Variants in ACP3 observed in about 807,000 individuals in gnomAD.
The protein encoded by ACP3 is acid phosphatase 3.
In ACP3, 38 loss-of-function variants were observed where a neutral mutation model predicts 45.6. The observed-to-expected ratio is 0.83, with a 90% CI of 0.64 to 1.09. The LOEUF (loss-of-function observed/expected upper bound fraction) is 1.09. ACP3 is among the 50% of genes least tolerant of loss of function. ACP3 has a pLI of 0.00. For missense variants in ACP3, 466 were observed against 463.2 expected, an observed-to-expected ratio of 1.01 and a Z score of -0.05; for synonymous variants, 162 against 164.7, an observed-to-expected ratio of 0.98 and a Z score of 0.13.
chr3:132,352,218 C>T (rs1441173672), intron 8 of ACP3, among the ~76,000 whole-genome samples: 1 of 151,864 alleles, frequency 6.6e-6, no homozygotes, highest in Non-Finnish European at 1.5e-5. Context: ...TTTATTTTAT[C>T]GAGATGGAGT....
intron 5 of ACP3, among the ~76,000 whole-genome samples, chr3:132,340,329 A>G (rs1937539233): frequency 6.6e-6 from 1 of 151,866 alleles, no homozygotes; most frequent in Non-Finnish European, 1.5e-5. Context: ...AAAAAAAAAA[A>G]AAGACCAAAT....
At chr3:132,355,178 C>T (rs1441433472) in intron 9 of ACP3, among the ~76,000 whole-genome samples, 1 of 152,186 alleles carries the variant, frequency 6.6e-6, no homozygotes, top group Non-Finnish European at 1.5e-5. Context: ...GGCAGCAACC[C>T]GCTTATCAAC....
rs1271328476 is a variant in ACP3, at chr3:132,331,705, T to G, written c.275T>G (p.Phe92Cys). 2 of 1,608,932 alleles carry G rather than the reference T, an allele frequency of 1.2e-6. No individual in the cohort carries two copies. The highest frequency in any genetic ancestry group is 2.3e-5 in the South Asian group (2 of 88,850). The change falls in exon 3 of 10, where the codon TTC becomes TGC. Residue 92 changes from phenylalanine to cysteine, a missense_variant. By Grantham distance (205) the Phe-to-Cys change is radical (BLOSUM62 -2). Transcript: ENST00000336375. ...GEYIRKRYRK[F>C]LNESYKHEQV... ...TATATAAGAAAGAGATATAGAAAAT[T>G]CTTGAATGAGTCCTATAAACATGAA...
chr3:132,361,179 ATGATATCCCTTGTTCAG>A (rs1463070699), downstream of ACP3, among the ~76,000 whole-genome samples: 1 of 152,298 alleles, frequency 6.6e-6, no homozygotes, highest in South Asian at 2.1e-4. Flanking sequence ...CCCTTGTTCA[ATGATATCCCTTGTTCAG>A]TGATATCCCT....
At chr3:132,352,615 T>A (rs1937776032) in intron 8 of ACP3, 105 bp from the exon 9 acceptor site, 2 of 773,618 alleles carry the variant, frequency 2.6e-6, no homozygotes, top group Non-Finnish European at 4.4e-6. Flanking sequence ...TGTGGGCGTA[T>A]GGGAAATTTA....
At chr3:132,333,184 A>C (rs1429582818) in intron 4 of ACP3, among the ~76,000 whole-genome samples, 2 of 152,154 alleles carry the variant, frequency 1.3e-5, no homozygotes, top group Non-Finnish European at 2.9e-5. Context: ...AAGTTTGAGA[A>C]CCAGTACTAT....
intron 3 of ACP3, 84 bp from the exon 4 acceptor site, chr3:132,332,108 C>G (rs918213279): frequency 1.3e-6 from 2 of 1,490,090 alleles, no homozygotes; most frequent in African/African-American, 1.4e-5. Flanking sequence ...GTGTCCTTTC[C>G]TTTCTCTAAT....
chr3:132,337,966 A>C (rs1212778256), intron 5 of ACP3, among the ~76,000 whole-genome samples: 2 of 152,224 alleles, frequency 1.3e-5, no homozygotes, highest in Non-Finnish European at 2.9e-5. Flanking sequence ...ACAATACAAA[A>C]GGTAGATATA....
chr3:132,341,149 G>T (rs1481334161), intron 5 of ACP3, among the ~76,000 whole-genome samples: 1 of 152,002 alleles, frequency 6.6e-6, no homozygotes, highest in East Asian at 1.9e-4. Context: ...TTGCCTATTT[G>T]CACTGGCCAC....
At chr3:132,342,093 C>T (rs986779957) in intron 5 of ACP3, among the ~76,000 whole-genome samples, 20 of 152,284 alleles carry the variant, frequency 1.3e-4, no homozygotes, top group African/African-American at 4.8e-4. Flanking sequence ...GACATATTTA[C>T]ACATGAGTTA....
chr3:132,330,764 T>A (rs1937385948), intron 2 of ACP3, among the ~76,000 whole-genome samples: 1 of 152,168 alleles, frequency 6.6e-6, no homozygotes. Context: ...AAAGCTCTAG[T>A]AAGGCTCTGG....
At chr3:132,322,539 A>G (rs1017809237) in intron 1 of ACP3, among the ~76,000 whole-genome samples, 1 of 152,230 alleles carries the variant, frequency 6.6e-6, no homozygotes, top group Non-Finnish European at 1.5e-5. Flanking sequence ...TAATAAAATA[A>G]TAAGAAGAAT....
intron 7 of ACP3, among the ~76,000 whole-genome samples, chr3:132,347,022 T>G: frequency 6.6e-6 from 1 of 152,246 alleles, no homozygotes. Context: ...TCATGTTTCC[T>G]CTTTTATTTC....
chr3:132,333,690 G>A (rs1937440800), intron 4 of ACP3, among the ~76,000 whole-genome samples: 1 of 152,134 alleles, frequency 6.6e-6, no homozygotes. Context: ...AATCATGAGG[G>A]AAGTATTGTG....
At chr3:132,341,732 C>T (rs1306469915) in intron 5 of ACP3, among the ~76,000 whole-genome samples, 1 of 152,038 alleles carries the variant, frequency 6.6e-6, no homozygotes, top group African/African-American at 2.4e-5. Flanking sequence ...GTCATCTGGC[C>T]CTGGAGCTTT....
At chr3:132,354,362 C>T (rs62291050) in intron 9 of ACP3, among the ~76,000 whole-genome samples, 2,287 of 152,220 alleles carry the variant, frequency 0.015, 36 homozygotes, top group Non-Finnish European at 0.022. Context: ...CCTTGTTTTA[C>T]GACCCTGAGT....
At chr3:132,340,242 G>GA (rs1272441963) in intron 5 of ACP3, among the ~76,000 whole-genome samples, 3 of 151,382 alleles carry the variant, frequency 2.0e-5, no homozygotes, top group South Asian at 2.1e-4. Flanking sequence ...TTGAACCCAG[G>GA]AGGCGGAGGT....
intron 1 of ACP3, 80 bp downstream of exon 1, chr3:132,317,656 C>T: frequency 6.8e-7 from 1 of 1,463,850 alleles, no homozygotes. Context: ...CAGGTTTCAT[C>T]TTATCCTTGG....
chr3:132,335,706 A>C (rs897485158), intron 4 of ACP3, among the ~76,000 whole-genome samples: 2 of 152,068 alleles, frequency 1.3e-5, no homozygotes, highest in Admixed American at 1.3e-4. Flanking sequence ...TCAAGGCAGG[A>C]AACAGTTTTA....
Sources: gnomAD v4.1 joint callset for allele counts (sites outside exome capture counted in the v4.1 genomes callset) on GRCh38, gnomAD v4.1.1 for gene constraint, MANE v1.5 for transcripts, NCBI Gene and HGNC (gene_info 2026-07-23, HGNC 2026-07-21) for gene names.